Variants in EPB41L1 observed in about 807,000 individuals in gnomAD.
EPB41L1 encodes erythrocyte membrane protein band 4.1 like 1, also known as band 4.1-like protein 1.
Under a neutral mutation model 97.8 loss-of-function variants are expected in EPB41L1, and 29 were observed. The observed-to-expected ratio is 0.30, with a 90% CI of 0.22 to 0.40. The LOEUF is 0.40. Among genes scored for constraint, EPB41L1 ranks in the 10% least tolerant of loss-of-function variants. The pLI, the probability that EPB41L1 is intolerant of heterozygous loss-of-function variation, is 1.00. For synonymous variants in EPB41L1, 383 were observed against 459.2 expected, an observed-to-expected ratio of 0.83 and a Z score of 2.12; for missense variants, 812 against 1,162.3, an observed-to-expected ratio of 0.70 and a Z score of 4.38.
intron 13 of EPB41L1, 100 bp from the exon 14 acceptor site, chr20:36,197,759 G>C: frequency 1.2e-6 from 2 of 1,607,208 alleles, no homozygotes; most frequent in Non-Finnish European, 1.7e-6. Flanking sequence ...AACGTTGCTG[G>C]TGGAGGGTGG....
chr20:36,231,099 C>G lies in EPB41L1; in HGVS notation c.*1759C>G, dbSNP rs1286322190. 2 of 152,208 alleles carry G rather than the reference C, an allele frequency of 1.3e-5. No homozygotes were observed. Among genetic ancestry groups the G allele is most frequent in the Non-Finnish European group, 2.9e-5 (2 of 68,062 alleles). 9.4% of individuals were successfully genotyped at this position (152,208 alleles called of 1,614,324 possible). A position where few individuals can be genotyped will look rare whatever the true frequency, so the allele number is the denominator to read the frequency against. ...CATAGGCTCCAGCTCTGCATAAGAC[C>G]TTGGCTTGGAGACCTCCCTCTCAGT... On this transcript the variant is annotated 3_prime_UTR_variant, in exon 22 of 22. Coordinates refer to ENST00000338074, the MANE Select transcript of EPB41L1 (RefSeq NM_012156.2).
intron 2 of EPB41L1, among the ~76,000 whole-genome samples, chr20:36,135,106 G>A (rs183167088): frequency 3.3e-5 from 5 of 151,998 alleles, no homozygotes; most frequent in Admixed American, 6.6e-5. Flanking sequence ...CAAGTGACCC[G>A]ACCACCTCGG....
intron 1 of EPB41L1, among the ~76,000 whole-genome samples, chr20:36,155,957 G>T (rs1463976354): frequency 6.6e-6 from 1 of 150,740 alleles, no homozygotes; most frequent in African/African-American, 2.4e-5. Context: ...TGGCACTTGA[G>T]CCAGGTCAAG....
chr20:36,169,221 C>CAAAAA (rs1351633399), intron 1 of EPB41L1, among the ~76,000 whole-genome samples: 2 of 73,390 alleles, frequency 2.7e-5, no homozygotes, highest in South Asian at 4.5e-4. Context: ...GACTCTGTCT[C>CAAAAA]AAAAAAAAAA....
chr20:36,136,407 T>G (rs2147793597), intron 2 of EPB41L1, among the ~76,000 whole-genome samples: 1 of 148,496 alleles, frequency 6.7e-6, no homozygotes, highest in Non-Finnish European at 1.5e-5. Context: ...CTGGAACTCC[T>G]GGCCTCAAGT....
In EPB41L1 at chr20:36,222,478, C is replaced by T; in HGVS notation, c.2637+84C>T. On this transcript the variant is annotated intron_variant, in intron 21 of 21. Coordinates refer to ENST00000338074, the MANE Select transcript of EPB41L1 (RefSeq NM_012156.2). ...CTGAGGGCCATTTCCATCTGAGAAG[C>T]CAGTGGCTTGACCCCTAGTGCAGCT... 8 of 1,147,296 alleles carry T rather than the reference C, an allele frequency of 7.0e-6. No homozygotes were observed. In the South Asian group the frequency reaches 9.9e-5, roughly 14 times the overall value. The allele number at this position is 1,147,296 out of a possible 1,614,324, so 71.1% of individuals were successfully genotyped here.
At chr20:36,129,567 G>A (rs1012167847) in intron 2 of EPB41L1, among the ~76,000 whole-genome samples, 7 of 151,978 alleles carry the variant, frequency 4.6e-5, no homozygotes, top group Non-Finnish European at 7.4e-5. Context: ...CAGGCTCACT[G>A]CTCCCGAAGC....
At chr20:36,175,073 A>C (rs2061167129) in intron 2 of EPB41L1, among the ~76,000 whole-genome samples, 1 of 152,216 alleles carries the variant, frequency 6.6e-6, no homozygotes, top group Non-Finnish European at 1.5e-5. Flanking sequence ...CACTGAGGGC[A>C]TCAGCAGTGG....
At chr20:36,179,412 A>G (rs1220963681) in intron 5 of EPB41L1, among the ~76,000 whole-genome samples, 1 of 152,264 alleles carries the variant, frequency 6.6e-6, no homozygotes, top group Non-Finnish European at 1.5e-5. Flanking sequence ...CTAAGGTCAC[A>G]GAGCCAAATG....
chr20:36,096,573 A>C (rs1285033696), intron 1 of EPB41L1, among the ~76,000 whole-genome samples: 1 of 152,076 alleles, frequency 6.6e-6, no homozygotes, highest in Non-Finnish European at 1.5e-5. Flanking sequence ...CCTGCTTCTT[A>C]TCTTGATTAA....
At chr20:36,143,913 C>T (rs570624820) in intron 2 of EPB41L1, among the ~76,000 whole-genome samples, 5 of 151,608 alleles carry the variant, frequency 3.3e-5, no homozygotes, top group African/African-American at 7.3e-5. Context: ...AGTGCAGTGG[C>T]GCGATTTTGG....
At chr20:36,162,357 A>G (rs1288774583) in intron 1 of EPB41L1, among the ~76,000 whole-genome samples, 1 of 152,266 alleles carries the variant, frequency 6.6e-6, no homozygotes, top group Admixed American at 6.5e-5. Flanking sequence ...CTTTGGTTAT[A>G]TGGCTTACAG....
intron 11 of EPB41L1, among the ~76,000 whole-genome samples, chr20:36,192,287 C>T (rs1006622085): frequency 1.3e-5 from 2 of 151,992 alleles, no homozygotes; most frequent in Non-Finnish European, 2.9e-5. Flanking sequence ...AATCCCAACA[C>T]TTCGGGAAGC....
chr20:36,188,102 G>A (rs1308753785), intron 8 of EPB41L1, among the ~76,000 whole-genome samples: 1 of 152,210 alleles, frequency 6.6e-6, no homozygotes, highest in South Asian at 2.1e-4. Flanking sequence ...ATGAATGAAC[G>A]ATTGAGTGAT....
chr20:36,187,564 T>G (rs544984567), intron 7 of EPB41L1, 112 bp from the exon 8 acceptor site: 1 of 853,882 alleles, frequency 1.2e-6, no homozygotes, highest in Non-Finnish European at 1.9e-6. Context: ...AGGGTGAGGC[T>G]CAGCATATTT....
Position 36,209,621 on chromosome 20 carries a change from T to G in EPB41L1, c.1802T>G (p.Ile601Ser). 6.2e-7 allele frequency: 1 copy of G among 1,614,170 alleles called. No individual in the cohort carries two copies. Among genetic ancestry groups the G allele is most frequent in the Non-Finnish European group, 8.5e-7 (1 of 1,180,022 alleles). The change falls in exon 15 of 22, where the codon ATT (isoleucine) becomes AGT (serine). Residue 601 changes from isoleucine to serine, a missense_variant. Physicochemically the swap from Ile to Ser is moderately radical, Grantham distance 142 (BLOSUM62 -2). Around this residue, in one of 3 missense-constraint regions of EPB41L1, gnomAD observed 498 missense variants for 622.7 expected, o/e 0.80. Coordinates refer to ENST00000338074, the MANE Select transcript of EPB41L1 (RefSeq NM_012156.2). This position sits in a 1 kb window ranked among gnomAD's most constrained non-coding sequence, Gnocchi z 4.2. Reference sequence around the variant, plus strand: ...TTCCTGAAGGACAACCACCTGGCCATTGAGCGCAAGTGCTCCAGCATCACG... The same window carrying G: ...TTCCTGAAGGACAACCACCTGGCCAGTGAGCGCAAGTGCTCCAGCATCACG... ...TVFLKDNHLA[I>S]ERKCSSITVS... is the part of the protein sequence containing the mutation.
At chr20:36,113,324 T>C (rs761708271) in intron 2 of EPB41L1, among the ~76,000 whole-genome samples, 17 of 152,150 alleles carry the variant, frequency 1.1e-4, no homozygotes, top group Non-Finnish European at 2.1e-4. Flanking sequence ...TTGCCAGGGC[T>C]GTGATGTTGT....
At chr20:36,167,823 A>G (rs2145778772) in intron 1 of EPB41L1, among the ~76,000 whole-genome samples, 1 of 152,174 alleles carries the variant, frequency 6.6e-6, no homozygotes, top group South Asian at 2.1e-4. Flanking sequence ...AAACTCTAGG[A>G]GGGCCCAAGT....
At chr20:36,107,337 C>T (rs1054588633) in intron 1 of EPB41L1, among the ~76,000 whole-genome samples, 16 of 150,726 alleles carry the variant, frequency 1.1e-4, no homozygotes, top group Non-Finnish European at 2.1e-4. Flanking sequence ...TCTCCTGCCT[C>T]AGCCTCCTGA....
Sources: gnomAD v4.1 joint callset for allele counts (sites outside exome capture counted in the v4.1 genomes callset) on GRCh38, gnomAD v4.1.1 for gene constraint, gnomAD v4.1.1 regional missense constraint, Gnocchi (gnomAD v3.1) non-coding constraint, MANE v1.5 for transcripts, NCBI Gene and HGNC (gene_info 2026-07-23, HGNC 2026-07-21) for gene names.